Variants in GMDS observed in about 807,000 individuals in gnomAD.
GMDS encodes the protein GDP-mannose 4,6-dehydratase.
A neutral mutation model predicts 49.9 loss-of-function variants in GMDS; 20 were observed. That is an observed-to-expected ratio of 0.40 (90% CI 0.28 to 0.58). GMDS has a LOEUF of 0.58. Among genes scored for constraint, GMDS ranks in the 20% least tolerant of loss-of-function variants. The pLI, the probability that GMDS is intolerant of heterozygous loss-of-function variation, is 0.42. For missense variants in GMDS, 362 were observed against 481.4 expected (o/e 0.75, Z 2.32); for synonymous variants, 177 against 178.6 (o/e 0.99, Z 0.07).
intron 1 of GMDS, among the ~76,000 whole-genome samples, chr6:2,224,201 T>C (rs1457378883): frequency 1.3e-5 from 2 of 152,204 alleles, no homozygotes; most frequent in Admixed American, 1.3e-4. Flanking sequence ...AAAATGGACA[T>C]AGTGACTGAA....
Position 2,167,828 on chromosome 6 carries a change from G to A in GMDS, c.103-43097C>T, listed in dbSNP as rs1019115745. 4.6e-5 allele frequency among the ~76,000 whole-genome samples: 7 copies of A among 151,954 alleles called. No individual in the cohort carries two copies. The East Asian group carries it at 7.7e-4, about 17-fold the overall frequency. On this transcript the variant is annotated intron_variant, in intron 1 of 10. Transcript: ENST00000380815. ...CGGCAACATCCCACTCCACTAAATC[G>A]TATATATATACTGGTATTAATTCCA...
intron 4 of GMDS, among the ~76,000 whole-genome samples, chr6:2,051,815 C>T (rs998205082): frequency 1.3e-5 from 2 of 152,050 alleles, no homozygotes; most frequent in African/African-American, 4.8e-5. Flanking sequence ...CTGCTTCTAG[C>T]AGGTATTAAG....
chr6:1,900,347 T>C (rs1199646073), intron 7 of GMDS, among the ~76,000 whole-genome samples: 1 of 152,166 alleles, frequency 6.6e-6, no homozygotes, highest in East Asian at 1.9e-4. Flanking sequence ...CAACAATGCG[T>C]GCAGGAAAAA....
At chr6:2,193,123 C>T (rs1437506047) in intron 1 of GMDS, among the ~76,000 whole-genome samples, 2 of 152,184 alleles carry the variant, frequency 1.3e-5, no homozygotes, top group Non-Finnish European at 2.9e-5. Flanking sequence ...ACCAGGAACA[C>T]TAGAGGTCCT....
At chr6:1,741,711 C>T (rs1402977503) in intron 8 of GMDS, among the ~76,000 whole-genome samples, 1 of 143,998 alleles carries the variant, frequency 6.9e-6, no homozygotes, top group African/African-American at 2.6e-5. Flanking sequence ...ACTTGGGAGG[C>T]TGAGGCAGGA....
chr6:2,227,222 A>T (rs999138592), intron 1 of GMDS, among the ~76,000 whole-genome samples: 3 of 152,222 alleles, frequency 2.0e-5, no homozygotes, highest in African/African-American at 7.2e-5. Context: ...TATATATATA[A>T]AATGTTTCAA....
intron 4 of GMDS, among the ~76,000 whole-genome samples, chr6:2,032,507 G>C (rs934604936): frequency 2.0e-5 from 3 of 151,958 alleles, no homozygotes; most frequent in African/African-American, 7.3e-5. Flanking sequence ...CAATCCTTAA[G>C]TCTCCTTAAA....
In GMDS at chr6:2,006,145, G is replaced by A. The variant is rs182904786; in HGVS notation, c.346-45179C>T. ...CCAACAGAAACATAAAAATTGGCCA[G>A]GCACGGTGGTTCACGCCTGCAATCA... is the stretch of plus-strand genomic sequence containing the variant. On this transcript the variant is annotated intron_variant, in intron 4 of 10. Coordinates refer to ENST00000380815, the MANE Select transcript of GMDS (RefSeq NM_001500.4). Among the ~76,000 whole-genome samples, 54 of 152,192 alleles carry A rather than the reference G, an allele frequency of 3.5e-4. 1 individual carries two copies. The highest frequency in any genetic ancestry group is 1.9e-4 in the East Asian group (1 of 5,168).
intron 8 of GMDS, among the ~76,000 whole-genome samples, chr6:1,741,811 C>CAAAAAA (rs758949708): frequency 1.3e-4 from 3 of 23,040 alleles, no homozygotes; most frequent in East Asian, 1.1e-3. Flanking sequence ...GACTCTGTCT[C>CAAAAAA]AAAAAAAAAA....
At chr6:2,135,958 C>T (rs555083942) in intron 1 of GMDS, among the ~76,000 whole-genome samples, 1 of 152,214 alleles carries the variant, frequency 6.6e-6, no homozygotes, top group African/African-American at 2.4e-5. Context: ...TTACAGTATA[C>T]TTGCACAAAC....
At chr6:2,202,685 A>G (rs1165970300) in intron 1 of GMDS, among the ~76,000 whole-genome samples, 2 of 152,138 alleles carry the variant, frequency 1.3e-5, no homozygotes, top group Non-Finnish European at 2.9e-5. Context: ...GAGCTACTGC[A>G]TGAAAGAGCT....
chr6:2,237,994 A>C (rs1781443485), intron 1 of GMDS, among the ~76,000 whole-genome samples: 1 of 152,162 alleles, frequency 6.6e-6, no homozygotes, highest in Admixed American at 6.5e-5. Context: ...GTTCTGGGAG[A>C]CAGGGAAGAA....
intron 7 of GMDS, among the ~76,000 whole-genome samples, chr6:1,804,724 T>G (rs1348126548): frequency 6.7e-6 from 1 of 149,484 alleles, no homozygotes; most frequent in Non-Finnish European, 1.5e-5. Context: ...TATCAATAGG[T>G]TTTTTTTTTA....
chr6:2,219,583 T>C (rs79637524), intron 1 of GMDS, among the ~76,000 whole-genome samples: 2,615 of 152,278 alleles, frequency 0.017, 85 homozygotes, highest in African/African-American at 0.059. Context: ...AAAAAATGAT[T>C]AGATGTAAAT....
At chr6:2,240,078 T>TGC (rs1781543418) in intron 1 of GMDS, among the ~76,000 whole-genome samples, 1 of 152,206 alleles carries the variant, frequency 6.6e-6, no homozygotes, top group African/African-American at 2.4e-5. Context: ...CCTACAATCC[T>TGC]CTTATATGAG....
Position 1,813,410 on chromosome 6 carries a change from G to A in GMDS, c.772-70824C>T, listed in dbSNP as rs1000349302. Among the ~76,000 whole-genome samples, 4 of 152,092 alleles carry A rather than the reference G, an allele frequency of 2.6e-5. No homozygotes were observed. The East Asian group carries it at 7.7e-4, about 29-fold the overall frequency. On this transcript the variant is annotated intron_variant, in intron 7 of 10. Transcript: ENST00000380815. ...ACCCAGCGCTCAATGCCTAAGTGAG[G>A]TTATTTTAGAAACTGCTACTCCTGA...
chr6:1,978,253 C>T (rs1765024671), intron 4 of GMDS, among the ~76,000 whole-genome samples: 1 of 152,168 alleles, frequency 6.6e-6, no homozygotes, highest in South Asian at 2.1e-4. Flanking sequence ...GGCAGGACAT[C>T]AATCCATTCC....
At chr6:1,891,702 G>GA (rs1759878804) in intron 7 of GMDS, among the ~76,000 whole-genome samples, 2 of 152,208 alleles carry the variant, frequency 1.3e-5, no homozygotes. Context: ...CAGGGAACTT[G>GA]TTAAAAATGC....
intron 7 of GMDS, among the ~76,000 whole-genome samples, chr6:1,804,459 T>C (rs1770085314): frequency 1.3e-5 from 2 of 152,386 alleles, no homozygotes; most frequent in Non-Finnish European, 2.9e-5. Context: ...TTCTCCTCTC[T>C]GCTTTTTTCT....
Sources: allele counts gnomAD v4.1 joint callset (sites outside exome capture counted in the v4.1 genomes callset), GRCh38; gene constraint gnomAD v4.1.1; transcripts MANE v1.5; gene names NCBI Gene and HGNC (gene_info 2026-07-23, HGNC 2026-07-21).